Variants in AIDA observed in about 807,000 individuals in gnomAD.
The protein encoded by AIDA is axin interactor, dorsalization-associated protein.
In AIDA, 18 loss-of-function variants were observed where a neutral mutation model predicts 42.7. The ratio of observed to expected loss-of-function variants is 0.42; its 90% CI spans 0.29 to 0.63. The LOEUF is 0.63. AIDA is among the 20% of genes least tolerant of loss of function. The pLI is 0.19. For missense variants in AIDA, 250 were observed against 354.1 expected (o/e 0.71, Z 2.36); for synonymous variants, 104 against 122.9 (o/e 0.85, Z 1.02).
At chr1:222,672,702 A>G (rs75451755) in intron 8 of AIDA, among the ~76,000 whole-genome samples, 3,132 of 152,330 alleles carry the variant, frequency 0.021, 96 homozygotes, top group African/African-American at 0.072. Context: ...CAATCACTTC[A>G]AAAGGGACTT....
At chr1:222,694,795 G>A (rs763851438) in intron 2 of AIDA, among the ~76,000 whole-genome samples, 50 of 152,116 alleles carry the variant, frequency 3.3e-4, no homozygotes, top group Non-Finnish European at 6.0e-4. Context: ...ATTAATGATA[G>A]GGCATAGATA....
In AIDA at chr1:222,670,250, C is replaced by T. The variant is rs1307507405; in HGVS notation, c.707G>A (p.Gly236Asp). The change falls in exon 9 of 10, where the codon GGT becomes GAT. Residue 236 changes from glycine (G) to aspartate (D), a missense_variant and splice_region_variant. By Grantham distance (94) the Gly-to-Asp change is moderately conservative. Around this residue, in one of 4 missense-constraint regions of AIDA, gnomAD observed 199 missense variants for 232.6 expected, o/e 0.86. Coordinates refer to ENST00000340020, the MANE Select transcript of AIDA (RefSeq NM_022831.4). ...LQKHVEKLTK[G>D]AAIFFEFKHY... Reference sequence around the variant, plus strand: ...TTTGAATTCAAAGAAGATAGCTGCACCTAAGGAATTAAAACAAGCCACATA... The same window carrying T: ...TTTGAATTCAAAGAAGATAGCTGCATCTAAGGAATTAAAACAAGCCACATA... 7 of 1,612,106 alleles carry T rather than the reference C, an allele frequency of 4.3e-6. No individual in the cohort carries two copies. Among genetic ancestry groups the T allele is most frequent in the African/African-American group, 1.3e-5 (1 of 74,928 alleles).
intron 1 of AIDA, among the ~76,000 whole-genome samples, chr1:222,708,580 G>A (rs1321474246): frequency 6.6e-6 from 1 of 151,858 alleles, no homozygotes; most frequent in African/African-American, 2.4e-5. Flanking sequence ...ATGTTGGCCG[G>A]GATGGTCTTG....
intron 6 of AIDA, among the ~76,000 whole-genome samples, chr1:222,679,167 T>C (rs1403002933): frequency 6.6e-6 from 1 of 152,118 alleles, no homozygotes; most frequent in Non-Finnish European, 1.5e-5. Flanking sequence ...ACTAGGATAA[T>C]ACCACACCAT....
At chr1:222,676,282 C>A in intron 6 of AIDA, 64 bp from the exon 7 acceptor site, 1 of 1,513,714 alleles carries the variant, frequency 6.6e-7, no homozygotes, top group African/African-American at 1.4e-5. Flanking sequence ...TTAATGAACA[C>A]AGAGAAGATA....
At chr1:222,689,569 G>GTATATA (rs201614137) in intron 4 of AIDA, among the ~76,000 whole-genome samples, 2 of 100,468 alleles carry the variant, frequency 2.0e-5, no homozygotes, top group East Asian at 2.7e-4. Context: ...GTATATATAT[G>GTATATA]TATATATATA....
chr1:222,674,917 C>A lies in AIDA; in HGVS notation c.583+1179G>T, dbSNP rs371433113. 1.4e-4 allele frequency among the ~76,000 whole-genome samples: 21 copies of A among 152,286 alleles called. No homozygotes were observed. In the South Asian group the frequency reaches 4.4e-3, roughly 32 times the overall value. On this transcript the variant is annotated intron_variant, in intron 7 of 9. Transcript: ENST00000340020. ...CAGTTACTACACTATCATTAAACATCTTTTTGTTTTGGTGTACATTCCTGC... is the reference window on the plus strand; with the variant it reads ...CAGTTACTACACTATCATTAAACATATTTTTGTTTTGGTGTACATTCCTGC...
At chr1:222,711,992 G>A (rs1656074327) in intron 1 of AIDA, 1 of 614,286 alleles carries the variant, frequency 1.6e-6, no homozygotes, top group Non-Finnish European at 2.8e-6. Flanking sequence ...CTGCGGAGGC[G>A]GAGAGGGAAG....
At chr1:222,694,091 G>T (rs1655450009) in intron 3 of AIDA, 119 bp downstream of exon 3, 3 of 937,200 alleles carry the variant, frequency 3.2e-6, no homozygotes, top group Non-Finnish European at 4.8e-6. Flanking sequence ...GAATTTAATA[G>T]ATGTTGTTAT....
intron 6 of AIDA, among the ~76,000 whole-genome samples, chr1:222,679,438 A>T (rs1664614451): frequency 6.6e-6 from 1 of 152,202 alleles, no homozygotes; most frequent in Non-Finnish European, 1.5e-5. Context: ...TAAAGTGAGG[A>T]TCAGAAATAA....
rs561214124 is a variant in AIDA at position 222,676,529 on chromosome 1, C to T, written c.461-311G>A. Among the ~76,000 whole-genome samples the T allele has an allele frequency of 3.4e-3, 518 of 152,268 alleles. 4 individuals are homozygous for T. The highest frequency in any genetic ancestry group is 0.019 in the South Asian group (91 of 4,820). ...TTAATAATAAACTCACATACATACA[C>T]TTTGTATATGCTCATTTATATAATA... On this transcript the variant is annotated intron_variant, in intron 6 of 9. Transcript: ENST00000340020.
Position 222,668,550 on chromosome 1 carries a change from A to C in AIDA, c.*1343T>G, listed in dbSNP as rs1214607743. 1 of 46,246 alleles carries C rather than the reference A, an allele frequency of 2.2e-5. No homozygotes were observed. The highest frequency in any genetic ancestry group is 8.8e-5 in the African/African-American group (1 of 11,320). The allele number at this position is 46,246 out of a possible 1,614,324, so 2.9% of individuals were successfully genotyped here. The stretch of plus-strand genomic sequence containing the variant: ...AGAATGGACCTAACAGACAACTGAA[A>C]GTAAAGACTAGATCTCTTGAAGTGC... On this transcript the variant is annotated 3_prime_UTR_variant, in exon 10 of 10. Coordinates refer to ENST00000340020, the MANE Select transcript of AIDA (RefSeq NM_022831.4).
At chr1:222,703,658 C>T (rs891891774) in intron 1 of AIDA, among the ~76,000 whole-genome samples, 2 of 152,202 alleles carry the variant, frequency 1.3e-5, no homozygotes, top group Non-Finnish European at 1.5e-5. Flanking sequence ...ATCCAAATTA[C>T]AGCAATGACA....
At chr1:222,705,838 C>T (rs1325992953) in intron 1 of AIDA, among the ~76,000 whole-genome samples, 3 of 151,828 alleles carry the variant, frequency 2.0e-5, no homozygotes, top group Non-Finnish European at 4.4e-5. Context: ...GAGCCAAGAT[C>T]GCACCACTGC....
intron 1 of AIDA, among the ~76,000 whole-genome samples, chr1:222,706,142 G>T (rs142546490): frequency 1.3e-5 from 2 of 152,092 alleles, no homozygotes; most frequent in Admixed American, 1.3e-4. Flanking sequence ...TTATACACCC[G>T]CTAGAATGGC....
chr1:222,674,901 C>T (rs1664517647), intron 7 of AIDA, among the ~76,000 whole-genome samples: 1 of 152,190 alleles, frequency 6.6e-6, no homozygotes, highest in Admixed American at 6.5e-5. Flanking sequence ...ACAGTTACTA[C>T]ACTATCATTA....
intron 8 of AIDA, among the ~76,000 whole-genome samples, chr1:222,672,101 G>T (rs147377594): frequency 2.6e-4 from 39 of 152,206 alleles, no homozygotes; most frequent in African/African-American, 8.9e-4. Context: ...TGAAAGTATG[G>T]TCATTAACAC....
At chr1:222,673,479 A>G (rs747900573) in intron 7 of AIDA, 44 bp from the exon 8 acceptor site, 2 of 1,495,436 alleles carry the variant, frequency 1.3e-6, no homozygotes, top group African/African-American at 1.4e-5. Context: ...TCAAATATAC[A>G]GACTTAAAAA....
In AIDA at chr1:222,701,366, A is replaced by G. The variant is rs529157490; in HGVS notation, c.180+1782T>C. On this transcript the variant is annotated intron_variant, in intron 2 of 9. Transcript: ENST00000340020. Reference sequence around the variant, plus strand: ...CTATACCTCAGCAATATATGTTGGAAACAGGATGCAAGTAACTCAAACAGG... The same window carrying G: ...CTATACCTCAGCAATATATGTTGGAGACAGGATGCAAGTAACTCAAACAGG... 2.0e-5 allele frequency among the ~76,000 whole-genome samples: 3 copies of G among 152,328 alleles called. No individual in the cohort carries two copies. The South Asian group carries it at 6.2e-4, about 32-fold the overall frequency.
Sources: gnomAD v4.1 joint callset for allele counts (sites outside exome capture counted in the v4.1 genomes callset) on GRCh38, gnomAD v4.1.1 for gene constraint, gnomAD v4.1.1 regional missense constraint, MANE v1.5 for transcripts, NCBI Gene and HGNC (gene_info 2026-07-23, HGNC 2026-07-21) for gene names.